The following TLK1 variants were observed in gnomAD, a reference collection of about 807,000 sequenced individuals.
TLK1 encodes tousled like kinase 1.
In TLK1, 24 loss-of-function variants were observed where a neutral mutation model predicts 105.3. That is an observed-to-expected ratio of 0.23 (90% CI 0.17 to 0.32). The LOEUF is 0.32. Among genes scored for constraint, TLK1 ranks in the 10% least tolerant of loss-of-function variants. TLK1 has a pLI of 1.00. For missense variants in TLK1, 558 were observed against 910.5 expected, an observed-to-expected ratio of 0.61 and a Z score of 4.98; for synonymous variants, 321 against 310.4, an observed-to-expected ratio of 1.03 and a Z score of -0.36.
intron 12 of TLK1, among the ~76,000 whole-genome samples, chr2:171,020,310 G>A (rs896438353): frequency 2.0e-5 from 3 of 151,942 alleles, no homozygotes; most frequent in African/African-American, 7.3e-5. Flanking sequence ...AGGAGGCTGA[G>A]GTGGGTGGAT....
At chr2:171,100,167 T>A (rs909776505) in intron 2 of TLK1, among the ~76,000 whole-genome samples, 2 of 152,208 alleles carry the variant, frequency 1.3e-5, no homozygotes, top group Admixed American at 1.3e-4. Context: ...TCATCAGTCA[T>A]TAGGGAAATA....
rs543998043 is a variant in TLK1, at chr2:171,113,529, T to G, written c.258+4210A>C. Among the ~76,000 whole-genome samples the G allele has an allele frequency of 2.6e-5, 4 of 152,264 alleles. No individual in the cohort carries two copies. The South Asian group carries it at 8.3e-4, about 32-fold the overall frequency. On this transcript the variant is annotated intron_variant, in intron 2 of 20. Transcript: ENST00000431350. ...CTCAAGTGATCCACCAGCCTCGGCC[T>G]CCCAAAGTGCTGGGATTACAAGCGT...
chr2:171,007,013 A>C lies in TLK1; in HGVS notation c.1467T>G (p.Leu489=). ...TCTTCTCATCTCTCCAGCTTTTATTAAGCTGATGTATCTTCACAGCAGCAT... is the reference window on the plus strand; with the variant it reads ...TCTTCTCATCTCTCCAGCTTTTATTCAGCTGATGTATCTTCACAGCAGCAT... ...QRYAAVKIHQ[L]NKSWRDEKKE... is the part of the protein sequence containing the mutation. Residue 489 remains leucine (L), a synonymous_variant, in exon 15 of 21, where the codon CTT becomes CTG. Transcript: ENST00000431350. 6.2e-7 allele frequency: 1 copy of C among 1,610,726 alleles called. No homozygotes were observed. Among genetic ancestry groups the C allele is most frequent in the Non-Finnish European group, 8.5e-7 (1 of 1,179,128 alleles).
chr2:171,101,112 C>T (rs571671065), intron 2 of TLK1, among the ~76,000 whole-genome samples: 2 of 151,860 alleles, frequency 1.3e-5, no homozygotes, highest in South Asian at 4.2e-4. Context: ...CTTTGGGAGG[C>T]CAAGGAGGGT....
upstream of TLK1, among the ~76,000 whole-genome samples, chr2:171,165,694 C>T (rs1692594813): frequency 6.6e-6 from 1 of 152,146 alleles, no homozygotes; most frequent in Non-Finnish European, 1.5e-5. Context: ...GGGTGGATCA[C>T]AAGGTCAGGA....
At chr2:171,018,582 CAGG>C (rs371543141) in intron 12 of TLK1, among the ~76,000 whole-genome samples, 2 of 152,160 alleles carry the variant, frequency 1.3e-5, no homozygotes, top group African/African-American at 4.8e-5. Flanking sequence ...TCCAAGGGTT[CAGG>C]AGAAGACAGG....
chr2:171,216,539 C>T (rs1190907178), intron 1 of TLK1, among the ~76,000 whole-genome samples: 1 of 152,102 alleles, frequency 6.6e-6, no homozygotes, highest in African/African-American at 2.4e-5. Context: ...ATCCAGAATT[C>T]CAAGGTCTTA....
intron 1 of TLK1, among the ~76,000 whole-genome samples, chr2:171,186,420 C>T (rs968767409): frequency 3.3e-5 from 5 of 152,150 alleles, no homozygotes; most frequent in African/African-American, 7.2e-5. Context: ...GGGAAATTTT[C>T]GTCACAATGA....
chr2:171,193,296 C>G (rs964252202), intron 1 of TLK1, among the ~76,000 whole-genome samples: 1 of 152,056 alleles, frequency 6.6e-6, no homozygotes, highest in Non-Finnish European at 1.5e-5. Context: ...CCTCCTAGGA[C>G]TTCATAAACC....
chr2:171,022,613 G>A (rs1685581215), intron 12 of TLK1, among the ~76,000 whole-genome samples: 2 of 152,166 alleles, frequency 1.3e-5, no homozygotes, highest in Non-Finnish European at 2.9e-5. Context: ...CTTTAATTGA[G>A]AGAATTCCTA....
intron 1 of TLK1, among the ~76,000 whole-genome samples, chr2:171,153,444 T>C (rs547429138): frequency 6.6e-6 from 1 of 152,362 alleles, no homozygotes; most frequent in South Asian, 2.1e-4. Flanking sequence ...TACCATGATA[T>C]ATAGAGAGAT....
chr2:171,124,658 T>A (rs1020098199), intron 1 of TLK1, among the ~76,000 whole-genome samples: 77 of 152,340 alleles, frequency 5.1e-4, no homozygotes, highest in African/African-American at 1.8e-3. Context: ...AACCATAAAC[T>A]ATGAACTCCT....
chr2:171,155,265 T>C (rs563123039), intron 1 of TLK1, among the ~76,000 whole-genome samples: 4 of 152,258 alleles, frequency 2.6e-5, no homozygotes, highest in Admixed American at 6.5e-5. Context: ...TCAGCCCCCA[T>C]AGTATTCTAA....
chr2:171,165,937 G>A (rs781755254), intron 1 of TLK1, among the ~76,000 whole-genome samples: 2 of 152,126 alleles, frequency 1.3e-5, no homozygotes, highest in Non-Finnish European at 2.9e-5. Context: ...TCCGGAGACT[G>A]GATGAGGTAT....
intron 12 of TLK1, among the ~76,000 whole-genome samples, chr2:171,024,338 T>C (rs1685674289): frequency 6.6e-6 from 1 of 152,094 alleles, no homozygotes; most frequent in Non-Finnish European, 1.5e-5. Flanking sequence ...TATTAGTTAA[T>C]AATAAAGAAA....
chr2:171,010,366 G>A (rs1001178540), intron 14 of TLK1, among the ~76,000 whole-genome samples: 19 of 152,102 alleles, frequency 1.2e-4, no homozygotes, highest in Non-Finnish European at 2.9e-5. Flanking sequence ...TAGAGGAGAG[G>A]AAGATAACTT....
chr2:171,126,727 T>C (rs1690881817), intron 1 of TLK1, among the ~76,000 whole-genome samples: 1 of 152,018 alleles, frequency 6.6e-6, no homozygotes, highest in Admixed American at 6.6e-5. Flanking sequence ...TCCTGAAGTC[T>C]AAAAATATTT....
At chr2:171,210,314 G>A (rs1253633748) in intron 1 of TLK1, among the ~76,000 whole-genome samples, 1 of 150,678 alleles carries the variant, frequency 6.6e-6, no homozygotes, top group Non-Finnish European at 1.5e-5. Flanking sequence ...GTTTCACTAT[G>A]TTGCCTAGGC....
intron 2 of TLK1, among the ~76,000 whole-genome samples, chr2:171,098,790 T>C (rs1689568728): frequency 6.6e-6 from 1 of 152,190 alleles, no homozygotes; most frequent in African/African-American, 2.4e-5. Context: ...ACAGTATTCA[T>C]TCCAGGAATG....
Sources: allele counts gnomAD v4.1 joint callset (sites outside exome capture counted in the v4.1 genomes callset), GRCh38; gene constraint gnomAD v4.1.1; transcripts MANE v1.5; gene names NCBI Gene and HGNC (gene_info 2026-07-23, HGNC 2026-07-21).